Variants in LGSN observed in about 807,000 individuals in gnomAD.
LGSN encodes the protein lengsin, lens protein with glutamine synthetase domain.
LGSN carries 21 observed loss-of-function variants against 19.5 expected under a neutral mutation model. That is an observed-to-expected ratio of 1.07 (90% CI 0.76 to 1.55). The LOEUF is 1.55. Among genes scored for constraint, LGSN ranks in the 40% most tolerant of loss-of-function variants. The pLI, the probability that LGSN is intolerant of heterozygous loss-of-function variation, is 0.00. For missense variants in LGSN, 673 were observed against 608.5 expected (o/e 1.11, Z -1.12); for synonymous variants, 257 against 215.6 (o/e 1.19, Z -1.68).
chr6:63,446,939 C>A, the LGSN span, among the ~76,000 whole-genome samples: 8 of 152,064 alleles, frequency 5.3e-5, no homozygotes, highest in Non-Finnish European at 1.2e-4. Flanking sequence ...ATCCCAGCTA[C>A]TCAGGAGGCT....
chr6:63,438,935 CAA>C, the LGSN span, among the ~76,000 whole-genome samples: 1 of 152,140 alleles, frequency 6.6e-6, no homozygotes, highest in Non-Finnish European at 1.5e-5. Flanking sequence ...TTCACAATAG[CAA>C]AGACTTGGGA....
At chr6:63,527,696 T>A in the LGSN span, 1 of 152,220 alleles carries the variant, frequency 6.6e-6, no homozygotes, top group South Asian at 2.1e-4. Context: ...GAGACAGTGA[T>A]GTTTCTGGAA....
chr6:63,389,088 C>T, the LGSN span, among the ~76,000 whole-genome samples: 1 of 152,116 alleles, frequency 6.6e-6, no homozygotes, highest in African/African-American at 2.4e-5. Context: ...TCATTTAATC[C>T]TTATGGCCAC....
chr6:63,288,226 CAAAA>C (rs1358876693), intron 2 of LGSN, among the ~76,000 whole-genome samples: 3 of 108,306 alleles, frequency 2.8e-5, no homozygotes, highest in South Asian at 2.9e-4. Flanking sequence ...GACTCCATCT[CAAAA>C]AAATAAATAA....
the LGSN span, among the ~76,000 whole-genome samples, chr6:63,510,799 G>A: frequency 2.7e-5 from 4 of 150,672 alleles, no homozygotes; most frequent in Admixed American, 1.3e-4. Context: ...TCAGCCTCCT[G>A]AGTAGCTGGG....
At chr6:63,550,288 G>A in the LGSN span, 1 of 152,180 alleles carries the variant, frequency 6.6e-6, no homozygotes, top group Admixed American at 6.5e-5. Flanking sequence ...CAGAGATAAT[G>A]TAATCAACCA....
At chr6:63,382,427 A>G in the LGSN span, among the ~76,000 whole-genome samples, 1 of 152,158 alleles carries the variant, frequency 6.6e-6, no homozygotes, top group African/African-American at 2.4e-5. Context: ...ACTTTAATAT[A>G]GGTTTTCTTT....
chr6:63,297,785 C>T (rs1037881929), intron 1 of LGSN, among the ~76,000 whole-genome samples: 1 of 152,120 alleles, frequency 6.6e-6, no homozygotes, highest in Admixed American at 6.6e-5. Context: ...TTAAATTGAG[C>T]CTAGGGCTAC....
chr6:63,558,055 A>G, the LGSN span, among the ~76,000 whole-genome samples: 2,093 of 152,050 alleles, frequency 0.014, 47 homozygotes, highest in African/African-American at 0.048. Flanking sequence ...TATTTTTAGT[A>G]GAGACGGGGT....
At chr6:63,376,837 A>T in the LGSN span, among the ~76,000 whole-genome samples, 1 of 152,248 alleles carries the variant, frequency 6.6e-6, no homozygotes, top group East Asian at 1.9e-4. Context: ...TACAAAGTGC[A>T]TTTTAACAAT....
the LGSN span, among the ~76,000 whole-genome samples, chr6:63,391,887 A>C: frequency 6.6e-6 from 1 of 152,216 alleles, no homozygotes. Flanking sequence ...ATGGAAGGAC[A>C]ATGAGCATGG....
At chr6:63,331,422 G>A in the LGSN span, among the ~76,000 whole-genome samples, 4 of 152,158 alleles carry the variant, frequency 2.6e-5, no homozygotes, top group African/African-American at 9.7e-5. Context: ...AGAAAAAAAT[G>A]AGCCACCTCT....
At chr6:63,482,147 TC>T in the LGSN span, among the ~76,000 whole-genome samples, 2 of 152,170 alleles carry the variant, frequency 1.3e-5, no homozygotes, top group African/African-American at 4.8e-5. Context: ...ACATATTATT[TC>T]TTTTTTTTTA....
At chr6:63,311,961 A>G (rs1268153396) in intron 1 of LGSN, among the ~76,000 whole-genome samples, 2 of 152,108 alleles carry the variant, frequency 1.3e-5, no homozygotes, top group African/African-American at 4.8e-5. Context: ...CTTTTTACAC[A>G]TCACATATAA....
chr6:63,496,781 T>C, the LGSN span, among the ~76,000 whole-genome samples: 8 of 151,906 alleles, frequency 5.3e-5, no homozygotes, highest in African/African-American at 9.7e-5. Flanking sequence ...TCCTATGAGG[T>C]AGGTACTACT....
the LGSN span, among the ~76,000 whole-genome samples, chr6:63,418,626 G>T: frequency 6.6e-6 from 1 of 152,152 alleles, no homozygotes; most frequent in Non-Finnish European, 1.5e-5. Context: ...AAAGAAGGCG[G>T]ACTGGCTAGG....
At chr6:63,377,758 CA>C in the LGSN span, among the ~76,000 whole-genome samples, 1 of 151,050 alleles carries the variant, frequency 6.6e-6, no homozygotes, top group African/African-American at 2.4e-5. Context: ...ACCAAAAATA[CA>C]AAAAATTATC....
chr6:63,344,270 G>A, the LGSN span, among the ~76,000 whole-genome samples: 78 of 152,194 alleles, frequency 5.1e-4, no homozygotes, highest in African/African-American at 1.7e-3. Context: ...GGACTTCTCA[G>A]TAACGAAGCT....
the LGSN span, among the ~76,000 whole-genome samples, chr6:63,446,288 C>T: frequency 8.1e-5 from 12 of 148,884 alleles, no homozygotes; most frequent in Non-Finnish European, 1.3e-4. Context: ...TGATGGCATG[C>T]CCTCTCACCT....
Sources: allele counts gnomAD v4.1 joint callset (sites outside exome capture counted in the v4.1 genomes callset), GRCh38; gene constraint gnomAD v4.1.1; transcripts MANE v1.5; gene names NCBI Gene and HGNC (gene_info 2026-07-23, HGNC 2026-07-21).